Variants in AP1S3 observed in about 807,000 individuals in gnomAD.
AP1S3 encodes the protein adaptor related protein complex 1 subunit sigma 3, also known as AP-1 complex subunit sigma-3.
In AP1S3, 10 loss-of-function variants were observed where a neutral mutation model predicts 20.9. The ratio of observed to expected loss-of-function variants is 0.48; its 90% CI spans 0.29 to 0.81. The LOEUF is 0.81. Ranked by LOEUF, AP1S3 falls within the 30% of genes least tolerant of loss-of-function variation. The pLI is 0.08. For missense variants in AP1S3, 154 were observed against 183.8 expected (o/e 0.84, Z 0.94); for synonymous variants, 41 against 61.5 (o/e 0.67, Z 1.56).
intron 1 of AP1S3, among the ~76,000 whole-genome samples, chr2:223,837,138 C>T (rs893216798): frequency 2.0e-5 from 3 of 152,050 alleles, no homozygotes; most frequent in Non-Finnish European, 4.4e-5. Flanking sequence ...TCCTCCTGGT[C>T]CCCCGCGACA....
chr2:223,830,452 C>G (rs539158092), intron 1 of AP1S3, among the ~76,000 whole-genome samples: 12 of 148,196 alleles, frequency 8.1e-5, no homozygotes, highest in South Asian at 2.1e-4. Context: ...GCACTCCAGC[C>G]TGGGTGACAG....
chr2:223,758,019 A>G lies in AP1S3; in HGVS notation c.*696T>C, dbSNP rs1690263421. On this transcript the variant is annotated 3_prime_UTR_variant, in exon 5 of 5. Coordinates refer to ENST00000396654, the MANE Select transcript of AP1S3 (RefSeq NM_001039569.2). ...AAATATATAGTTCATAGAAAACCTT[A>G]TTGGAATGTCCCTTATATTCAATTA... 1.0e-6 allele frequency: 1 copy of G among 974,830 alleles called. No homozygotes were observed. Among genetic ancestry groups the G allele is most frequent in the Admixed American group, 6.2e-5 (1 of 16,244 alleles). 60.4% of individuals were successfully genotyped at this position (974,830 alleles called of 1,614,324 possible).
In AP1S3 at chr2:223,765,327, A is replaced by G. The variant is rs541109964; in HGVS notation, c.315T>C (p.Phe105=). The G allele has an allele frequency of 6.2e-7, 1 of 1,613,410 alleles. No individual in the cohort carries two copies. ...GGATGAAATAAGCCTTTTCAAAATT[A>G]AAGATAATATCCAGCTCACAGACCT... ...FGNVCELDII[F]NFEKAYFILD... The change falls in exon 4 of 5, where the codon TTT becomes TTC. Residue 105 remains phenylalanine, a synonymous_variant. Coordinates refer to ENST00000396654, the MANE Select transcript of AP1S3 (RefSeq NM_001039569.2).
intron 3 of AP1S3, 32 bp downstream of exon 3, chr2:223,775,869 A>G: frequency 6.5e-7 from 1 of 1,535,866 alleles, no homozygotes; most frequent in Non-Finnish European, 9.0e-7. Flanking sequence ...TGGGGACTGT[A>G]GCTAATCCTA....
chr2:223,807,192 G>A (rs1048084677), intron 1 of AP1S3, among the ~76,000 whole-genome samples: 11 of 152,126 alleles, frequency 7.2e-5, no homozygotes, highest in African/African-American at 2.7e-4. Context: ...GCTTGAGCCT[G>A]GGAGATAGAG....
In AP1S3 at chr2:223,755,769, G is replaced by A. The variant is rs926692357; in HGVS notation, c.*2946C>T. On this transcript the variant is annotated 3_prime_UTR_variant, in exon 5 of 5. Transcript: ENST00000396654. ...TGGTCTCGAACTCCTGACCTCAGGT[G>A]ATCTGCCGCCTTGACCTCCCAAAGT... The A allele has an allele frequency of 3.5e-5, 31 of 888,494 alleles. No individual in the cohort carries two copies. Among genetic ancestry groups the A allele is most frequent in the Non-Finnish European group, 1.5e-5 (11 of 741,770 alleles). 55.0% of individuals were successfully genotyped at this position (888,494 alleles called of 1,614,324 possible).
At chr2:223,832,807 C>CTT (rs66947467) in intron 1 of AP1S3, among the ~76,000 whole-genome samples, 2 of 129,944 alleles carry the variant, frequency 1.5e-5, no homozygotes, top group African/African-American at 5.7e-5. Context: ...TTTCTTTTTT[C>CTT]TTTTTTTTTT....
chr2:223,822,377 T>C (rs60908877), intron 1 of AP1S3, among the ~76,000 whole-genome samples: 330 of 150,238 alleles, frequency 2.2e-3, no homozygotes, highest in Middle Eastern at 6.9e-3. Flanking sequence ...AGTAAGATCC[T>C]GTCTTAAAAA....
At position 223,828,058 on chromosome 2, in the gene AP1S3, T is replaced by TAAAAAAAAAAAAAAAAAAAA. The variant is rs527671959; in HGVS notation, c.3+9370_3+9389dup. Among the ~76,000 whole-genome samples, 11 of 94,662 alleles carry TAAAAAAAAAAAAAAAAAAAA rather than the reference T, an allele frequency of 1.2e-4. 1 individual carries two copies. The highest frequency in any genetic ancestry group is 1.8e-4 in the Non-Finnish European group (8 of 44,354). The allele number at this position is 94,662 out of a possible 152,430, so 62.1% of individuals were successfully genotyped here. On this transcript the variant is annotated intron_variant, in intron 1 of 4. Coordinates refer to ENST00000396654, the MANE Select transcript of AP1S3 (RefSeq NM_001039569.2). ...TGGGGTACAAGAGCAAGACTTCATC[T>TAAAAAAAAAAAAAAAAAAAA]AAAAAAAAAAAAAAAAAAAAAAAAA... is the stretch of plus-strand genomic sequence containing the variant.
At chr2:223,803,448 T>C (rs1262669687) in intron 1 of AP1S3, among the ~76,000 whole-genome samples, 7 of 152,204 alleles carry the variant, frequency 4.6e-5, no homozygotes, top group Admixed American at 1.3e-4. Context: ...ATTGGTTTTT[T>C]CCTAACAGCA....
intron 3 of AP1S3, among the ~76,000 whole-genome samples, chr2:223,767,199 GAAAA>G (rs556973335): frequency 2.7e-5 from 4 of 147,878 alleles, no homozygotes; most frequent in Admixed American, 6.8e-5. Flanking sequence ...AAAGGGAGGA[GAAAA>G]AAAAAAGAAA....
intron 1 of AP1S3, among the ~76,000 whole-genome samples, chr2:223,803,907 G>C (rs563734484): frequency 1.3e-5 from 2 of 151,704 alleles, no homozygotes; most frequent in East Asian, 3.9e-4. Context: ...ATAGATGAGA[G>C]TATCAATTCC....
chr2:223,820,994 T>C (rs969020898), intron 1 of AP1S3, among the ~76,000 whole-genome samples: 1 of 152,130 alleles, frequency 6.6e-6, no homozygotes, highest in African/African-American at 2.4e-5. Context: ...AAACACATAC[T>C]TCCCTATACA....
At chr2:223,797,596 T>A (rs951875821) in intron 1 of AP1S3, among the ~76,000 whole-genome samples, 1 of 151,958 alleles carries the variant, frequency 6.6e-6, no homozygotes, top group Non-Finnish European at 1.5e-5. Context: ...ACCCCGTTTC[T>A]ACTAAAAATA....
chr2:223,794,040 C>G (rs1000903008), intron 1 of AP1S3, among the ~76,000 whole-genome samples: 3 of 152,266 alleles, frequency 2.0e-5, no homozygotes, highest in East Asian at 1.9e-4. Context: ...CAGCTATCAC[C>G]TTTGGATTAA....
rs188179566 is a variant in AP1S3 at position 223,803,785 on chromosome 2, C to T, written c.4-25916G>A. ...GTCCCAGCTACTCGGGAGGCTGAGG[C>T]AGGAGAATGGTGTGAACCTGGGAGG... On this transcript the variant is annotated intron_variant, in intron 1 of 4. Coordinates refer to ENST00000396654, the MANE Select transcript of AP1S3 (RefSeq NM_001039569.2). Among the ~76,000 whole-genome samples the T allele has an allele frequency of 3.6e-4, 54 of 150,624 alleles. 2 individuals carry two copies. The East Asian group carries it at 8.1e-3, about 22-fold the overall frequency.
At chr2:223,760,383 A>G (rs1690324882) in intron 4 of AP1S3, among the ~76,000 whole-genome samples, 1 of 152,228 alleles carries the variant, frequency 6.6e-6, no homozygotes, top group African/African-American at 2.4e-5. Flanking sequence ...TGCTCAGGAG[A>G]TACTAGGGCT....
chr2:223,792,832 T>A (rs1364911374), intron 1 of AP1S3, among the ~76,000 whole-genome samples: 14 of 151,834 alleles, frequency 9.2e-5, no homozygotes, highest in Admixed American at 9.2e-4. Context: ...CTGACAAAGG[T>A]CTAATATCCA....
chr2:223,820,238 T>G (rs955060782), intron 1 of AP1S3, among the ~76,000 whole-genome samples: 6 of 152,168 alleles, frequency 3.9e-5, no homozygotes, highest in Admixed American at 3.9e-4. Context: ...TCCCAGTGAT[T>G]TACATAAGGG....
Sources: allele counts gnomAD v4.1 joint callset (sites outside exome capture counted in the v4.1 genomes callset), GRCh38; gene constraint gnomAD v4.1.1; transcripts MANE v1.5; gene names NCBI Gene and HGNC (gene_info 2026-07-23, HGNC 2026-07-21).